Variants in LPAR3 observed in about 807,000 individuals in gnomAD.
LPAR3 encodes the protein LPA receptor 3.
A neutral mutation model predicts 17.8 loss-of-function variants in LPAR3; 7 were observed. That is an observed-to-expected ratio of 0.39 (90% confidence interval 0.22 to 0.74). LPAR3 has a LOEUF of 0.74. Ranked by LOEUF, LPAR3 falls within the 30% of genes least tolerant of loss-of-function variation. The pLI is 0.40. For synonymous variants in LPAR3, 179 were observed against 179.9 expected (o/e 0.99, Z 0.04); for missense variants, 391 against 453.4 (o/e 0.86, Z 1.25).
rs1218555227 is a variant in LPAR3, at chr1:84,892,071, A to T, written c.-19+945T>A. 4.6e-5 allele frequency among the ~76,000 whole-genome samples: 7 copies of T among 151,800 alleles called. No homozygotes were observed. The East Asian group carries it at 1.4e-3, about 30-fold the overall frequency. On this transcript the variant is annotated intron_variant, in intron 1 of 2. Transcript: ENST00000370611. ...TACTAAAAATACAAAAAATTAGCCT[A>T]GCGTGGTGGTGGGCGCCTGCAATCC...
rs80123147 is a variant in LPAR3, at chr1:84,891,458, G to A, written c.-19+1558C>T. On this transcript the variant is annotated intron_variant, in intron 1 of 2. Coordinates refer to ENST00000370611, the MANE Select transcript of LPAR3 (RefSeq NM_012152.3). ...TCTGACTGGCAGGGTTTGCTCGCTC[G>A]TCTTTTTAGTATAGTCCAGTTTGTT... is the stretch of plus-strand genomic sequence containing the variant. Among the ~76,000 whole-genome samples, 492 of 152,248 alleles carry A rather than the reference G, an allele frequency of 3.2e-3. 2 individuals are homozygous for A. Among genetic ancestry groups the A allele is most frequent in the African/African-American group, 0.011 (463 of 41,538 alleles).
At chr1:84,867,216 G>A (rs1026548668) in intron 1 of LPAR3, among the ~76,000 whole-genome samples, 17 of 152,220 alleles carry the variant, frequency 1.1e-4, no homozygotes, top group African/African-American at 3.4e-4. Context: ...ACGTGGTGGG[G>A]AAAACCAAGT....
chr1:84,879,293 T>C lies in LPAR3; in HGVS notation c.-18-13155A>G, dbSNP rs113013582. Among the ~76,000 whole-genome samples the C allele has an allele frequency of 8.6e-3, 1,160 of 135,628 alleles. 12 individuals are homozygous for C. Among genetic ancestry groups the C allele is most frequent in the African/African-American group, 0.031 (1,115 of 36,054 alleles). The allele number at this position is 135,628 out of a possible 152,430, so 89.0% of individuals were successfully genotyped here. Reference sequence around the variant, plus strand: ...CAGACTGCTAAATCACATTTTCCTTTTCTTTCTTTTCTTTTCTTTTTTCTT... The same window carrying C: ...CAGACTGCTAAATCACATTTTCCTTCTCTTTCTTTTCTTTTCTTTTTTCTT... On this transcript the variant is annotated intron_variant, in intron 1 of 2. Coordinates refer to ENST00000370611, the MANE Select transcript of LPAR3 (RefSeq NM_012152.3).
intron 2 of LPAR3, among the ~76,000 whole-genome samples, chr1:84,840,385 C>A (rs1424701219): frequency 1.3e-5 from 2 of 152,142 alleles, no homozygotes; most frequent in Non-Finnish European, 2.9e-5. Flanking sequence ...ATCATCACCC[C>A]AAAATTTGTT....
intron 1 of LPAR3, among the ~76,000 whole-genome samples, chr1:84,867,791 A>T (rs1390818445): frequency 6.6e-6 from 1 of 152,180 alleles, no homozygotes; most frequent in Non-Finnish European, 1.5e-5. Flanking sequence ...AATATCAAAT[A>T]AATTCATGAT....
intron 2 of LPAR3, among the ~76,000 whole-genome samples, chr1:84,848,029 T>C (rs1303021454): frequency 2.0e-5 from 3 of 152,200 alleles, no homozygotes; most frequent in Non-Finnish European, 4.4e-5. Context: ...CACTGGTCTG[T>C]CTGCAGCACT....
At chr1:84,875,520 G>A (rs539610099) in intron 1 of LPAR3, among the ~76,000 whole-genome samples, 8 of 152,270 alleles carry the variant, frequency 5.3e-5, no homozygotes, top group East Asian at 1.9e-4. Flanking sequence ...TCTCTGTCTC[G>A]CATGCTCGCC....
chr1:84,884,639 T>G (rs140394193), intron 1 of LPAR3, among the ~76,000 whole-genome samples: 175 of 152,308 alleles, frequency 1.1e-3, no homozygotes, highest in Middle Eastern at 0.01. Flanking sequence ...TTAAATGATG[T>G]TAACACCTTC....
intron 2 of LPAR3, among the ~76,000 whole-genome samples, chr1:84,818,956 C>T (rs986032313): frequency 2.0e-5 from 3 of 151,400 alleles, no homozygotes; most frequent in East Asian, 1.9e-4. Context: ...TCTCTTTTTT[C>T]GTATTGAGAT....
chr1:84,863,011 A>G (rs1659968779), intron 2 of LPAR3, among the ~76,000 whole-genome samples: 1 of 151,962 alleles, frequency 6.6e-6, no homozygotes, highest in African/African-American at 2.4e-5. Context: ...GGAAAATTCT[A>G]CGAAACCACA....
chr1:84,828,572 T>C (rs1443205222), intron 2 of LPAR3, among the ~76,000 whole-genome samples: 1 of 152,210 alleles, frequency 6.6e-6, no homozygotes, highest in East Asian at 1.9e-4. Context: ...TAATTACTTT[T>C]TACCCTTTGA....
intron 2 of LPAR3, among the ~76,000 whole-genome samples, chr1:84,845,219 A>G (rs1259385909): frequency 6.6e-6 from 1 of 152,212 alleles, no homozygotes; most frequent in Non-Finnish European, 1.5e-5. Context: ...ATTGAAAAGC[A>G]TTTTTAAATC....
intron 1 of LPAR3, among the ~76,000 whole-genome samples, chr1:84,867,204 A>G (rs1660067669): frequency 2.6e-5 from 4 of 152,208 alleles, no homozygotes; most frequent in Non-Finnish European, 5.9e-5. Flanking sequence ...CCATCTGTCT[A>G]CACGTGGTGG....
At chr1:84,858,431 C>T (rs1659870908) in intron 2 of LPAR3, among the ~76,000 whole-genome samples, 1 of 143,256 alleles carries the variant, frequency 7.0e-6, no homozygotes, top group African/African-American at 2.6e-5. Context: ...TTGCAGTGAG[C>T]GGAGATCACA....
chr1:84,856,837 G>C (rs1277202440), intron 2 of LPAR3, among the ~76,000 whole-genome samples: 1 of 152,134 alleles, frequency 6.6e-6, no homozygotes, highest in Non-Finnish European at 1.5e-5. Flanking sequence ...TGTGGCCAGG[G>C]TCTCATTTAT....
chr1:84,850,159 C>T (rs1435226415), intron 2 of LPAR3, among the ~76,000 whole-genome samples: 2 of 152,038 alleles, frequency 1.3e-5, no homozygotes, highest in African/African-American at 4.8e-5. Context: ...GCACATCTCC[C>T]CTGCCTTTTG....
At chr1:84,885,125 AGG>A (rs534698892) in intron 1 of LPAR3, among the ~76,000 whole-genome samples, 1 of 151,980 alleles carries the variant, frequency 6.6e-6, no homozygotes, top group Admixed American at 6.6e-5. Context: ...GACTTGGGGG[AGG>A]GGGGTACTAT....
At chr1:84,829,723 C>T (rs1270736091) in intron 2 of LPAR3, among the ~76,000 whole-genome samples, 1 of 152,118 alleles carries the variant, frequency 6.6e-6, no homozygotes, top group African/African-American at 2.4e-5. Context: ...AAAAGAAACA[C>T]TCTTTGGAAA....
chr1:84,833,339 G>GAT (rs1659329629), intron 2 of LPAR3, among the ~76,000 whole-genome samples: 1 of 152,134 alleles, frequency 6.6e-6, no homozygotes, highest in African/African-American at 2.4e-5. Context: ...TTTACCTAAT[G>GAT]ATATAGACAA....
Sources: allele counts gnomAD v4.1 joint callset (sites outside exome capture counted in the v4.1 genomes callset), GRCh38; gene constraint gnomAD v4.1.1; transcripts MANE v1.5; gene names NCBI Gene and HGNC (gene_info 2026-07-23, HGNC 2026-07-21).